Variants in MCF2L2 observed in about 807,000 individuals in gnomAD.
MCF2L2 encodes the protein MCF.2 cell line derived transforming sequence-like 2, also known as probable guanine nucleotide exchange factor MCF2L2.
A neutral mutation model predicts 150.2 loss-of-function variants in MCF2L2; 102 were observed. The observed-to-expected ratio is 0.68, with a 90% CI of 0.58 to 0.80. MCF2L2 has a LOEUF of 0.80. Among genes scored for constraint, MCF2L2 ranks in the 30% least tolerant of loss-of-function variants. The pLI is 0.00. For missense variants in MCF2L2, 1,256 were observed against 1,372.8 expected (o/e 0.91, Z 1.34); for synonymous variants, 465 against 491.3 (o/e 0.95, Z 0.71).
chr3:183,387,803 G>A (rs927164105), intron 2 of MCF2L2, among the ~76,000 whole-genome samples: 1 of 151,886 alleles, frequency 6.6e-6, no homozygotes, highest in Non-Finnish European at 1.5e-5. Context: ...ATGATGGCGG[G>A]TGCCTATAAT....
At chr3:183,224,258 G>A (rs1723264857) in intron 18 of MCF2L2, 68 bp from the exon 19 acceptor site, 3 of 996,734 alleles carry the variant, frequency 3.0e-6, no homozygotes, top group Non-Finnish European at 4.8e-6. Flanking sequence ...GGATGATACA[G>A]TTTATTCATT....
intron 3 of MCF2L2, chr3:183,375,684 A>T (rs772458895): frequency 6.6e-6 from 1 of 152,170 alleles, no homozygotes; most frequent in Non-Finnish European, 1.5e-5. Flanking sequence ...AATTAATTTC[A>T]GGCACAAAGA....
At chr3:183,306,134 C>A (rs1365375253) in intron 10 of MCF2L2, among the ~76,000 whole-genome samples, 1 of 152,194 alleles carries the variant, frequency 6.6e-6, no homozygotes, top group Non-Finnish European at 1.5e-5. Context: ...CTTGTTAGAG[C>A]CAAGATTTGA....
chr3:183,328,619 A>G (rs1052536889), intron 5 of MCF2L2, among the ~76,000 whole-genome samples: 5 of 152,206 alleles, frequency 3.3e-5, no homozygotes, highest in African/African-American at 1.2e-4. Context: ...TATTTGGGTT[A>G]GGCAAAGAGT....
chr3:183,238,601 T>A (rs765104531), intron 15 of MCF2L2, among the ~76,000 whole-genome samples: 2 of 151,104 alleles, frequency 1.3e-5, no homozygotes, highest in African/African-American at 4.9e-5. Context: ...CCAGTGTTAA[T>A]GTATTTTATG....
intron 13 of MCF2L2, among the ~76,000 whole-genome samples, chr3:183,289,833 G>A (rs1042196278): frequency 6.6e-6 from 1 of 152,198 alleles, no homozygotes; most frequent in Non-Finnish European, 1.5e-5. Flanking sequence ...TCCAGCCTGG[G>A]CAACAGAGCT....
At chr3:183,343,176 GCTCATATTTTTCC>G (rs1382110271) in intron 3 of MCF2L2, among the ~76,000 whole-genome samples, 6 of 152,066 alleles carry the variant, frequency 3.9e-5, no homozygotes, top group Non-Finnish European at 8.8e-5. Flanking sequence ...GAAGTTAAAA[GCTCATATTTTTCC>G]TTAAATATGA....
intron 12 of MCF2L2, chr3:183,296,411 C>A (rs1402425676): frequency 6.5e-6 from 1 of 154,852 alleles, no homozygotes; most frequent in Non-Finnish European, 1.4e-5. Context: ...TTGGTCTGCA[C>A]TGTGCCAGGC....
At chr3:183,298,165 A>G (rs1728635794) in intron 11 of MCF2L2, 2 of 152,218 alleles carry the variant, frequency 1.3e-5, no homozygotes, top group Admixed American at 1.3e-4. Context: ...ATAGGTGATG[A>G]GTTCTAATTA....
intron 15 of MCF2L2, among the ~76,000 whole-genome samples, chr3:183,255,652 G>A (rs1367587093): frequency 6.6e-6 from 1 of 152,174 alleles, no homozygotes; most frequent in Non-Finnish European, 1.5e-5. Flanking sequence ...AGGTAGAGAT[G>A]CTTATAACTG....
intron 3 of MCF2L2, among the ~76,000 whole-genome samples, chr3:183,346,313 C>G (rs976111031): frequency 5.3e-5 from 8 of 152,132 alleles, no homozygotes; most frequent in Non-Finnish European, 1.2e-4. Flanking sequence ...AGACAAAAAC[C>G]ACATGATTAT....
chr3:183,382,065 T>C (rs1448139634), intron 2 of MCF2L2, among the ~76,000 whole-genome samples: 1 of 151,506 alleles, frequency 6.6e-6, no homozygotes, highest in East Asian at 1.9e-4. Flanking sequence ...TTATTATTAT[T>C]ATTATTATTA....
At chr3:183,240,319 T>C (rs950840497) in intron 15 of MCF2L2, among the ~76,000 whole-genome samples, 5 of 152,210 alleles carry the variant, frequency 3.3e-5, no homozygotes, top group Non-Finnish European at 7.3e-5. Context: ...AACTGCCACC[T>C]CTCAGGTTCA....
chr3:183,259,100 C>G (rs1725351651), intron 15 of MCF2L2, among the ~76,000 whole-genome samples: 1 of 152,122 alleles, frequency 6.6e-6, no homozygotes, highest in East Asian at 1.9e-4. Flanking sequence ...CGTACACGAC[C>G]AACTGCATAT....
At chr3:183,361,988 T>C (rs572814305) in intron 3 of MCF2L2, among the ~76,000 whole-genome samples, 2 of 152,350 alleles carry the variant, frequency 1.3e-5, no homozygotes, top group South Asian at 4.1e-4. Context: ...TCAGGATATA[T>C]GTATGTGAAA....
At chr3:183,221,979 G>A (rs191612956) in intron 20 of MCF2L2, among the ~76,000 whole-genome samples, 16 of 152,300 alleles carry the variant, frequency 1.1e-4, no homozygotes, top group South Asian at 2.1e-4. Context: ...AGAGTACACC[G>A]AGGCTGAAAC....
At chr3:183,264,140 T>G (rs1238587231) in intron 15 of MCF2L2, among the ~76,000 whole-genome samples, 1 of 152,220 alleles carries the variant, frequency 6.6e-6, no homozygotes, top group African/African-American at 2.4e-5. Flanking sequence ...CTGCTTTCTG[T>G]ACCCCCCTAA....
chr3:183,323,351 T>C lies in MCF2L2; in HGVS notation c.487A>G (p.Ile163Val), dbSNP rs1050697404. 6.3e-7 allele frequency: 1 copy of C among 1,591,788 alleles called. No homozygotes were observed. Among genetic ancestry groups the C allele is most frequent in the Non-Finnish European group, 8.6e-7 (1 of 1,160,308 alleles). The change falls in exon 6 of 30, where the codon ATC (isoleucine) becomes GTC (valine). Residue 163 changes from isoleucine (I) to valine (V), a missense_variant and splice_region_variant. Physicochemically the swap from Ile to Val is conservative, Grantham distance 29 (BLOSUM62 3). Coordinates refer to ENST00000328913, the MANE Select transcript of MCF2L2 (RefSeq NM_015078.4). ...TCAGAGACAGAGTTTACCATGATGA[T>C]CTGTAAGGTAAAAATTTAATTAAAC... ...YRNEFKTKVP[I>V]IMVNSVSDLH...
chr3:183,353,433 A>T (rs1364340624), intron 3 of MCF2L2, among the ~76,000 whole-genome samples: 3 of 152,214 alleles, frequency 2.0e-5, no homozygotes, highest in Non-Finnish European at 4.4e-5. Flanking sequence ...ACTGCTATAA[A>T]AATATATCTG....
Sources: gnomAD v4.1 joint callset for allele counts (sites outside exome capture counted in the v4.1 genomes callset) on GRCh38, gnomAD v4.1.1 for gene constraint, MANE v1.5 for transcripts, NCBI Gene and HGNC (gene_info 2026-07-23, HGNC 2026-07-21) for gene names.